The following ZDHHC14 variants were observed in gnomAD, a reference collection of about 807,000 sequenced individuals.
ZDHHC14 encodes the protein zDHHC palmitoyltransferase 14, also known as palmitoyltransferase ZDHHC14.
In ZDHHC14, 16 loss-of-function variants were observed where a neutral mutation model predicts 47.7. That is an observed-to-expected ratio of 0.34 (90% CI 0.23 to 0.51). ZDHHC14 has a LOEUF of 0.51. Among genes scored for constraint, ZDHHC14 ranks in the 20% least tolerant of loss-of-function variants. The probability of loss-of-function intolerance (pLI) is 0.97; values close to 1 mark genes in which losing one functional copy is unlikely to be tolerated. For missense variants in ZDHHC14, 515 were observed against 662.5 expected, an observed-to-expected ratio of 0.78 and a Z score of 2.44; for synonymous variants, 293 against 278.9, an observed-to-expected ratio of 1.05 and a Z score of -0.50.
At chr6:157,580,712 T>TTCTG (rs112978484) in intron 2 of ZDHHC14, among the ~76,000 whole-genome samples, 1 of 148,684 alleles carries the variant, frequency 6.7e-6, no homozygotes, top group African/African-American at 2.5e-5. Context: ...TTTTTGTGTT[T>TTCTG]TGTGTGTGTG....
intron 8 of ZDHHC14, among the ~76,000 whole-genome samples, chr6:157,672,041 C>T (rs1043610193): frequency 1.3e-5 from 2 of 152,218 alleles, no homozygotes; most frequent in Admixed American, 6.5e-5. Context: ...ATTCTTCCTT[C>T]TCTCTAAGAA....
intron 3 of ZDHHC14, among the ~76,000 whole-genome samples, chr6:157,616,578 C>T (rs924758431): frequency 2.0e-5 from 3 of 152,180 alleles, no homozygotes; most frequent in Admixed American, 2.0e-4. Flanking sequence ...CAGGCCACTC[C>T]ACTCCCAGGT....
At chr6:157,539,396 C>T (rs1781664012) in intron 1 of ZDHHC14, among the ~76,000 whole-genome samples, 1 of 151,850 alleles carries the variant, frequency 6.6e-6, no homozygotes, top group African/African-American at 2.4e-5. Flanking sequence ...AGAGTGAGGC[C>T]CTGTCTCCAG....
chr6:157,463,800 G>C lies in ZDHHC14; in HGVS notation c.246-78785G>C, dbSNP rs548092526. 6.6e-6 allele frequency among the ~76,000 whole-genome samples: 1 copy of C among 152,144 alleles called. No individual in the cohort carries two copies. The highest frequency in any genetic ancestry group is 6.6e-5 in the Admixed American group (1 of 15,260). On this transcript the variant is annotated intron_variant, in intron 1 of 8. Coordinates refer to ENST00000359775, the MANE Select transcript of ZDHHC14 (RefSeq NM_024630.3). The surrounding 1 kb of genome is among the most constrained non-coding windows in gnomAD (Gnocchi z 4.4). ...AGCACTTTGGGTGGCTGAGGCAGGC[G>C]GATGACCTGAGGTCAGGAGTTCGAG...
intron 1 of ZDHHC14, among the ~76,000 whole-genome samples, chr6:157,484,293 GTATATA>G (rs113082888): frequency 7.2e-6 from 1 of 139,166 alleles, no homozygotes; most frequent in Non-Finnish European, 1.5e-5. Context: ...ATATATATGT[GTATATA>G]TATATACATA....
At chr6:157,434,979 G>A (rs925247831) in intron 1 of ZDHHC14, among the ~76,000 whole-genome samples, 13 of 152,182 alleles carry the variant, frequency 8.5e-5, no homozygotes, top group Non-Finnish European at 1.5e-5. Flanking sequence ...TTTCTCCCAG[G>A]GAGACTTATT....
At chr6:157,513,769 T>C (rs541792916) in intron 1 of ZDHHC14, among the ~76,000 whole-genome samples, 1 of 152,330 alleles carries the variant, frequency 6.6e-6, no homozygotes, top group East Asian at 1.9e-4. Context: ...TAAGTTTGCC[T>C]GAGTCACACA....
At chr6:157,554,740 A>C (rs1329236070) in intron 2 of ZDHHC14, among the ~76,000 whole-genome samples, 3 of 152,234 alleles carry the variant, frequency 2.0e-5, no homozygotes, top group African/African-American at 7.2e-5. Flanking sequence ...GAGTAAAAAA[A>C]CGTCGGCATT....
rs1783092544 is a variant in ZDHHC14, at chr6:157,571,452, T to C, written c.407-21536T>C. Among the ~76,000 whole-genome samples the C allele has an allele frequency of 2.0e-5, 3 of 152,350 alleles. No individual in the cohort carries two copies. The South Asian group carries it at 6.2e-4, about 32-fold the overall frequency. ...TTCTTTGAACGGAAACTCACGATGC[T>C]ATAAATAACAACAAAAACAAACAGT... On this transcript the variant is annotated intron_variant, in intron 2 of 8. Transcript: ENST00000359775.
chr6:157,491,587 T>G (rs1779917612), intron 1 of ZDHHC14, among the ~76,000 whole-genome samples: 1 of 152,274 alleles, frequency 6.6e-6, no homozygotes, highest in Admixed American at 6.5e-5. Flanking sequence ...TTTATCAACT[T>G]CTGTGAATGA....
chr6:157,628,727 C>T (rs1466494622), intron 4 of ZDHHC14: 11 of 502,744 alleles, frequency 2.2e-5, no homozygotes, highest in Non-Finnish European at 2.5e-5. Context: ...AGGGGTCGCA[C>T]CTAGGCCAGG....
At chr6:157,650,129 A>G (rs6920753) in intron 7 of ZDHHC14, among the ~76,000 whole-genome samples, 51,567 of 131,408 alleles carry the variant, frequency 0.39, 13,518 homozygotes, top group African/African-American at 0.65. Flanking sequence ...GAGAGGGGCC[A>G]GCTTCTGGGC....
intron 1 of ZDHHC14, among the ~76,000 whole-genome samples, chr6:157,394,089 A>G (rs1030758698): frequency 1.2e-4 from 19 of 152,130 alleles, no homozygotes; most frequent in African/African-American, 4.6e-4. Context: ...TCAGGGCCCC[A>G]CCACTCTCAG....
At chr6:157,613,948 C>A (rs3933566) in intron 3 of ZDHHC14, among the ~76,000 whole-genome samples, 20,810 of 152,210 alleles carry the variant, frequency 0.14, 1,501 homozygotes, top group East Asian at 0.27. Flanking sequence ...AAAGGGCTGA[C>A]AGTTTTAGTG....
Position 157,382,004 on chromosome 6 carries a change from A to C in ZDHHC14, c.-18A>C. 2.2e-6 allele frequency: 3 copies of C among 1,395,002 alleles called. No individual in the cohort carries two copies. Among genetic ancestry groups the C allele is most frequent in the Non-Finnish European group, 2.8e-6 (3 of 1,071,238 alleles). 86.4% of individuals were successfully genotyped at this position (1,395,002 alleles called of 1,614,324 possible). ...GGGGCTCCTGGGGGTGTGCGCCCCC[A>C]GCCGGCTGCCCTCGTGGATGCCTCC... On this transcript the variant is annotated 5_prime_UTR_variant, in exon 1 of 9. Transcript: ENST00000359775.
intron 2 of ZDHHC14, among the ~76,000 whole-genome samples, chr6:157,592,538 T>G (rs1335225154): frequency 6.6e-6 from 1 of 152,176 alleles, no homozygotes; most frequent in Non-Finnish European, 1.5e-5. Context: ...AGTAACACCC[T>G]AGCCTTTCCA....
At chr6:157,617,102 G>GA (rs1333284058) in intron 3 of ZDHHC14, among the ~76,000 whole-genome samples, 3 of 152,158 alleles carry the variant, frequency 2.0e-5, no homozygotes, top group Non-Finnish European at 4.4e-5. Flanking sequence ...ATATACAGGG[G>GA]AACACCTGTT....
At chr6:157,500,935 T>C (rs1398186909) in intron 1 of ZDHHC14, among the ~76,000 whole-genome samples, 1 of 152,180 alleles carries the variant, frequency 6.6e-6, no homozygotes, top group Non-Finnish European at 1.5e-5. Context: ...AAAAATTAAG[T>C]AGATTGCAAT....
rs778046588 is a variant in ZDHHC14, at chr6:157,608,849, C to G, written c.565+15703C>G. Among the ~76,000 whole-genome samples the G allele has an allele frequency of 4.6e-5, 7 of 152,176 alleles. No homozygotes were observed. In the East Asian group the frequency reaches 1.2e-3, roughly 25 times the overall value. ...AGGAGACGAGAGGGGGGGCTGTCCC[C>G]ACAGGGCGGGACAGGGCACTAGAGT... is the stretch of plus-strand genomic sequence containing the variant. On this transcript the variant is annotated intron_variant, in intron 3 of 8. Transcript: ENST00000359775.
Sources: gnomAD v4.1 joint callset for allele counts (sites outside exome capture counted in the v4.1 genomes callset) on GRCh38, gnomAD v4.1.1 for gene constraint, Gnocchi (gnomAD v3.1) non-coding constraint, MANE v1.5 for transcripts, NCBI Gene and HGNC (gene_info 2026-07-23, HGNC 2026-07-21) for gene names.